Variants in HEATR3 observed in about 807,000 individuals in gnomAD.
HEATR3 encodes HEAT repeat-containing protein 3.
HEATR3 carries 56 observed loss-of-function variants against 72.8 expected under a neutral mutation model. The observed-to-expected ratio is 0.77, with a 90% CI of 0.62 to 0.96. The LOEUF is 0.96. HEATR3 is among the 40% of genes least tolerant of loss of function. HEATR3 has a pLI of 0.00. For synonymous variants in HEATR3, 331 were observed against 318.1 expected, an observed-to-expected ratio of 1.04 and a Z score of -0.43; for missense variants, 747 against 831.4, an observed-to-expected ratio of 0.90 and a Z score of 1.25.
chr16:50,092,018 A>G (rs184716743), intron 11 of HEATR3, among the ~76,000 whole-genome samples: 4 of 152,224 alleles, frequency 2.6e-5, no homozygotes, highest in African/African-American at 9.6e-5. Flanking sequence ...CTTTGCAGTC[A>G]ATATGGTAAC....
At chr16:50,076,268 A>C (rs2036725531) in intron 6 of HEATR3, among the ~76,000 whole-genome samples, 1 of 151,010 alleles carries the variant, frequency 6.6e-6, no homozygotes, top group African/African-American at 2.4e-5. Flanking sequence ...CTGGCTCTGC[A>C]GCCTCACCTC....
intron 11 of HEATR3, among the ~76,000 whole-genome samples, chr16:50,094,499 C>T (rs546322113): frequency 3.9e-5 from 6 of 152,236 alleles, no homozygotes; most frequent in South Asian, 4.1e-4. Flanking sequence ...ATTTTAACCA[C>T]GATCATCTTT....
In HEATR3 at chr16:50,084,669, T is replaced by C; in HGVS notation, c.1373+18T>C. Reference sequence around the variant, plus strand: ...ATTAGAAAGTAAGAACTCTTCTGCTTTCAAAAACATTTGTCATTATTTTAT... The same window carrying C: ...ATTAGAAAGTAAGAACTCTTCTGCTCTCAAAAACATTTGTCATTATTTTAT... On this transcript the variant is annotated intron_variant, in intron 10 of 14. Coordinates refer to ENST00000299192, the MANE Select transcript of HEATR3 (RefSeq NM_182922.4). The C allele has an allele frequency of 6.6e-7, 1 of 1,507,554 alleles. No homozygotes were observed. The highest frequency in any genetic ancestry group is 1.7e-5 in the Admixed American group (1 of 57,534). The allele number at this position is 1,507,554 out of a possible 1,614,324, so 93.4% of individuals were successfully genotyped here.
chr16:50,106,923 G>A lies in HEATR3; in HGVS notation c.*1862G>A, dbSNP rs1438720059. ...AAATAACCCAAATTGTGTATATGGT[G>A]GGAAAACAGAAATGTATACCATATA... On this transcript the variant is annotated 3_prime_UTR_variant, in exon 15 of 15. Transcript: ENST00000299192. 6.6e-6 allele frequency among the ~76,000 whole-genome samples: 1 copy of A among 152,054 alleles called. No individual in the cohort carries two copies. The highest frequency in any genetic ancestry group is 2.4e-5 in the African/African-American group (1 of 41,394).
chr16:50,071,070 A>C (rs1024835999), intron 4 of HEATR3, among the ~76,000 whole-genome samples: 1 of 152,186 alleles, frequency 6.6e-6, no homozygotes, highest in African/African-American at 2.4e-5. Flanking sequence ...CCTTGGCCCC[A>C]GGAGGAAGAA....
chr16:50,090,247 A>G (rs1490642952), intron 11 of HEATR3, among the ~76,000 whole-genome samples: 1 of 152,038 alleles, frequency 6.6e-6, no homozygotes, highest in Non-Finnish European at 1.5e-5. Context: ...TGTGGTCCCA[A>G]GGAAGCTGAA....
chr16:50,096,286 C>T (rs1396634887), intron 12 of HEATR3, among the ~76,000 whole-genome samples: 2 of 133,564 alleles, frequency 1.5e-5, no homozygotes, highest in African/African-American at 5.7e-5. Context: ...GATCATGCCA[C>T]TGCACTCCAG....
At chr16:50,066,292 C>G (rs748653871) in intron 1 of HEATR3, 23 bp downstream of exon 1, 4 of 1,576,326 alleles carry the variant, frequency 2.5e-6, no homozygotes, top group East Asian at 4.7e-5. Flanking sequence ...CTCCGTCGGG[C>G]CGGGAGGCGA....
At chr16:50,093,250 G>T (rs1310417517) in intron 11 of HEATR3, among the ~76,000 whole-genome samples, 5 of 152,314 alleles carry the variant, frequency 3.3e-5, no homozygotes. Context: ...TGTGGGGCAG[G>T]AAGTGAGTGT....
chr16:50,097,525 G>T (rs1322513047), intron 12 of HEATR3, among the ~76,000 whole-genome samples: 1 of 151,628 alleles, frequency 6.6e-6, no homozygotes, highest in Admixed American at 6.6e-5. Context: ...CTTCAAATTG[G>T]CTCCTGTGCC....
chr16:50,074,200 C>CT (rs2036672958), intron 5 of HEATR3: 1 of 152,132 alleles, frequency 6.6e-6, no homozygotes, highest in South Asian at 2.1e-4. Context: ...ATATAAACTA[C>CT]TTTTTTTCTT....
chr16:50,075,857 C>A, intron 6 of HEATR3, 146 bp downstream of exon 6: 1 of 649,224 alleles, frequency 1.5e-6, no homozygotes, highest in Non-Finnish European at 2.7e-6. Flanking sequence ...GAGAAGAGAC[C>A]CTTACTTCAA....
In HEATR3 at chr16:50,100,162, G is replaced by A. The variant is rs552940115; in HGVS notation, c.1600-68G>A. 1.5e-5 allele frequency: 22 copies of A among 1,492,568 alleles called. No homozygotes were observed. The East Asian group carries it at 3.7e-4, about 25-fold the overall frequency. 92.5% of individuals were successfully genotyped at this position (1,492,568 alleles called of 1,614,324 possible). ...CTATAGAGGAGATTCCTGTCAGTCC[G>A]GTTTTCACATGCTGATAGAATTAAT... On this transcript the variant is annotated intron_variant, in intron 12 of 14. Transcript: ENST00000299192.
At chr16:50,066,781 C>T (rs2150592611) in intron 2 of HEATR3, 2 of 390,636 alleles carry the variant, frequency 5.1e-6, no homozygotes, top group Non-Finnish European at 4.5e-6. Context: ...GCCCTCACGC[C>T]TTGCGCACGT....
rs757100619 is a variant in HEATR3, at chr16:50,068,794, G to T, written c.326G>T (p.Cys109Phe). 3 of 1,613,632 alleles carry T rather than the reference G, an allele frequency of 1.9e-6. No individual in the cohort carries two copies. The highest frequency in any genetic ancestry group is 3.3e-4 in the Middle Eastern group (2 of 6,062). ...AAGALRNLSACGGFEVCDDMV... is the reference protein window; with the variant it reads ...AAGALRNLSAFGGFEVCDDMV... ...TTCTTGTGTAGAAATCTCAGTGCTTGTGGAGGTTTTGAAGTTTGTGATGAC... is the reference window on the plus strand; with the variant it reads ...TTCTTGTGTAGAAATCTCAGTGCTTTTGGAGGTTTTGAAGTTTGTGATGAC... Residue 109 changes from cysteine (C) to phenylalanine (F), a missense_variant, in exon 3 of 15, where the codon TGT becomes TTT. Cys to Phe is a radical substitution (Grantham distance 205). This residue lies in a region of HEATR3 where 586 missense variants were observed against 708.8 expected (regional missense o/e 0.83). Coordinates refer to ENST00000299192, the MANE Select transcript of HEATR3 (RefSeq NM_182922.4).
At chr16:50,075,757 G>GGTAT (rs762789015) in intron 6 of HEATR3, 46 bp downstream of exon 6, 7 of 1,566,382 alleles carry the variant, frequency 4.5e-6, no homozygotes, top group African/African-American at 2.7e-5. Context: ...AGTAGCTTTT[G>GGTAT]GTATGGATGT....
chr16:50,076,993 G>A (rs908754269), intron 6 of HEATR3, among the ~76,000 whole-genome samples: 4 of 147,774 alleles, frequency 2.7e-5, no homozygotes, highest in African/African-American at 7.5e-5. Context: ...TCAGCCTCCC[G>A]AGTAGCTGGG....
rs2037469095 is a variant in HEATR3, at chr16:50,105,566, T to G, written c.*505T>G. 1 of 154,470 alleles carries G rather than the reference T, an allele frequency of 6.5e-6. No homozygotes were observed. The highest frequency in any genetic ancestry group is 1.4e-5 in the Non-Finnish European group (1 of 69,866). 9.6% of individuals were successfully genotyped at this position (154,470 alleles called of 1,614,324 possible). On this transcript the variant is annotated 3_prime_UTR_variant, in exon 15 of 15. Coordinates refer to ENST00000299192, the MANE Select transcript of HEATR3 (RefSeq NM_182922.4). The stretch of plus-strand genomic sequence containing the variant: ...TTGTTTTGTTTTGTTGTTTTTTTCT[T>G]TTTTGAGATGGAGTCTCACTGCTGC...
chr16:50,100,163 G>A, intron 12 of HEATR3, 67 bp from the exon 13 acceptor site: 1 of 1,506,914 alleles, frequency 6.6e-7, no homozygotes, highest in Non-Finnish European at 9.0e-7. Flanking sequence ...TGTCAGTCCG[G>A]TTTTCACATG....
Sources: allele counts gnomAD v4.1 joint callset (sites outside exome capture counted in the v4.1 genomes callset), GRCh38; gene constraint gnomAD v4.1.1; regional missense constraint gnomAD v4.1.1; transcripts MANE v1.5; gene names NCBI Gene and HGNC (gene_info 2026-07-23, HGNC 2026-07-21).